Variants in SGCD observed in about 807,000 individuals in gnomAD.
The protein encoded by SGCD is sarcoglycan delta.
Under a neutral mutation model 36.6 loss-of-function variants are expected in SGCD, and 18 were observed. The ratio of observed to expected loss-of-function variants is 0.49; its 90% CI spans 0.34 to 0.73. The LOEUF is 0.73. Ranked by LOEUF, SGCD falls within the 30% of genes least tolerant of loss-of-function variation. The probability of loss-of-function intolerance (pLI) is 0.01; values close to 1 mark genes in which losing one functional copy is unlikely to be tolerated. For synonymous variants in SGCD, 133 were observed against 130.6 expected (o/e 1.02, Z -0.12); for missense variants, 387 against 346.7 (o/e 1.12, Z -0.92).
intron 6 of SGCD, among the ~76,000 whole-genome samples, chr5:156,603,064 A>G (rs2113420619): frequency 6.6e-6 from 1 of 152,058 alleles, no homozygotes; most frequent in East Asian, 1.9e-4. Context: ...TGAAGCCATT[A>G]TGTCCTGGGC....
At chr5:156,166,295 A>T (rs1483521727) in intron 3 of SGCD, among the ~76,000 whole-genome samples, 1 of 152,090 alleles carries the variant, frequency 6.6e-6, no homozygotes, top group Non-Finnish European at 1.5e-5. Context: ...TCCAAGACGT[A>T]TTGACGAAGC....
chr5:155,944,614 G>A (rs1757400334), intron 1 of SGCD, among the ~76,000 whole-genome samples: 1 of 152,088 alleles, frequency 6.6e-6, no homozygotes, highest in Non-Finnish European at 1.5e-5. Flanking sequence ...AGTTTTATTT[G>A]TTCAACAAAT....
intron 6 of SGCD, among the ~76,000 whole-genome samples, chr5:156,613,514 G>A (rs1004912316): frequency 2.0e-5 from 3 of 152,228 alleles, no homozygotes; most frequent in African/African-American, 7.2e-5. Flanking sequence ...TTAAGTAATG[G>A]AGAGATTAAA....
At chr5:156,736,746 C>T (rs1209052111) in intron 7 of SGCD, among the ~76,000 whole-genome samples, 1 of 152,182 alleles carries the variant, frequency 6.6e-6, no homozygotes, top group Non-Finnish European at 1.5e-5. Context: ...TGAGAACTCG[C>T]GGGACCATAT....
At chr5:156,562,907 A>G (rs7715587) in intron 4 of SGCD, among the ~76,000 whole-genome samples, 6,543 of 151,634 alleles carry the variant, frequency 0.043, 477 homozygotes, top group African/African-American at 0.15. Flanking sequence ...CATTTTTTGG[A>G]TTATAGTAAC....
chr5:156,477,342 A>C (rs1325107263), intron 3 of SGCD, among the ~76,000 whole-genome samples: 1 of 152,090 alleles, frequency 6.6e-6, no homozygotes, highest in Admixed American at 6.6e-5. Flanking sequence ...AACCCATAGA[A>C]CCCACTCCTT....
intron 2 of SGCD, among the ~76,000 whole-genome samples, chr5:156,330,840 T>TG (rs758794585): frequency 3.5e-4 from 53 of 152,204 alleles, no homozygotes; most frequent in Non-Finnish European, 6.6e-4. Context: ...GCTCAGGGTC[T>TG]GCCTCAAACG....
At chr5:156,594,268 T>C (rs11739522) in intron 5 of SGCD, among the ~76,000 whole-genome samples, 37,719 of 152,098 alleles carry the variant, frequency 0.25, 4,826 homozygotes, top group East Asian at 0.31. Context: ...TTGATTTCCT[T>C]GTGCAGTATT....
chr5:155,783,695 A>C, the SGCD span, among the ~76,000 whole-genome samples: 7 of 152,132 alleles, frequency 4.6e-5, no homozygotes, highest in Admixed American at 4.6e-4. Context: ...CTTTGGAATT[A>C]ATTTATGCTG....
intron 3 of SGCD, among the ~76,000 whole-genome samples, chr5:156,307,969 A>T (rs1767272446): frequency 7.5e-6 from 1 of 133,374 alleles, no homozygotes. Context: ...TAATTTTTTA[A>T]AAAAATATAT....
chr5:155,923,679 G>C (rs1756935491), intron 1 of SGCD, among the ~76,000 whole-genome samples: 1 of 152,190 alleles, frequency 6.6e-6, no homozygotes, highest in Non-Finnish European at 1.5e-5. Flanking sequence ...AAGGAATCAA[G>C]GGAATTGGAC....
the SGCD span, among the ~76,000 whole-genome samples, chr5:155,788,558 A>G: frequency 3.3e-5 from 5 of 152,298 alleles, no homozygotes; most frequent in East Asian, 9.7e-4. Context: ...ATGCTAGGTT[A>G]TAGAGATCAA....
intron 1 of SGCD, among the ~76,000 whole-genome samples, chr5:156,111,398 G>A (rs1176822912): frequency 6.6e-6 from 1 of 152,166 alleles, no homozygotes; most frequent in Non-Finnish European, 1.5e-5. Flanking sequence ...TTCATTCTAA[G>A]GGCAGTGGGA....
chr5:155,827,845 ATT>A, the SGCD span, among the ~76,000 whole-genome samples: 293 of 124,906 alleles, frequency 2.3e-3, 2 homozygotes, highest in African/African-American at 8.5e-3. Context: ...CACCTGGCTA[ATT>A]TTTTTTTTTT....
the SGCD span, among the ~76,000 whole-genome samples, chr5:155,842,179 C>T: frequency 2.0e-5 from 3 of 151,146 alleles, no homozygotes; most frequent in African/African-American, 7.3e-5. Context: ...CTATGCCTCT[C>T]TCTGGACTAC....
intron 6 of SGCD, among the ~76,000 whole-genome samples, chr5:156,630,829 G>A (rs143950461): frequency 6.2e-4 from 94 of 152,184 alleles, no homozygotes; most frequent in East Asian, 2.7e-3. Flanking sequence ...TGGACGAATT[G>A]GGAGATCTTA....
chr5:155,779,084 A>G, the SGCD span, among the ~76,000 whole-genome samples: 1 of 152,174 alleles, frequency 6.6e-6, no homozygotes, highest in East Asian at 1.9e-4. Context: ...CTCATATTTT[A>G]CATTCTGCAT....
intron 3 of SGCD, among the ~76,000 whole-genome samples, chr5:156,439,659 A>G (rs6556624): frequency 0.77 from 117,074 of 152,054 alleles, 45,876 homozygotes; most frequent in Middle Eastern, 0.91. Context: ...TAACCATCAG[A>G]AAACAGTTCT....
chr5:156,457,725 A>G (rs1754320867), intron 3 of SGCD, among the ~76,000 whole-genome samples: 1 of 152,230 alleles, frequency 6.6e-6, no homozygotes, highest in Admixed American at 6.5e-5. Context: ...GTAAGGACAG[A>G]AAAATGTAAA....
Sources: gnomAD v4.1 joint callset for allele counts (sites outside exome capture counted in the v4.1 genomes callset) on GRCh38, gnomAD v4.1.1 for gene constraint, MANE v1.5 for transcripts, NCBI Gene and HGNC (gene_info 2026-07-23, HGNC 2026-07-21) for gene names.